The following SH3GL2 variants were observed in gnomAD, a reference collection of about 807,000 sequenced individuals.
SH3GL2 encodes the protein endophilin-A1.
In SH3GL2, 24 loss-of-function variants were observed where a neutral mutation model predicts 46.0. The ratio of observed to expected loss-of-function variants is 0.52; its 90% confidence interval spans 0.38 to 0.73. The LOEUF (loss-of-function observed/expected upper bound fraction) is 0.73. Ranked by LOEUF, SH3GL2 falls within the 30% of genes least tolerant of loss-of-function variation. The pLI, the probability that SH3GL2 is intolerant of heterozygous loss-of-function variation, is 0.00. For synonymous variants in SH3GL2, 196 were observed against 147.1 expected (o/e 1.33, Z -2.40); for missense variants, 413 against 424.2 (o/e 0.97, Z 0.23).
At chr9:17,703,893 G>A (rs1473381255) in intron 1 of SH3GL2, among the ~76,000 whole-genome samples, 1 of 152,062 alleles carries the variant, frequency 6.6e-6, no homozygotes, top group Non-Finnish European at 1.5e-5. Context: ...AAGAAGACAA[G>A]GATGCCCTCT....
chr9:17,744,640 T>C (rs570190770), intron 1 of SH3GL2, among the ~76,000 whole-genome samples: 2 of 152,178 alleles, frequency 1.3e-5, no homozygotes, highest in Non-Finnish European at 2.9e-5. Flanking sequence ...AATGCTAGGA[T>C]TACAGGTGTG....
chr9:17,719,642 AT>A (rs1302970508), intron 1 of SH3GL2, among the ~76,000 whole-genome samples: 1 of 151,952 alleles, frequency 6.6e-6, no homozygotes, highest in African/African-American at 2.4e-5. Flanking sequence ...AATAAAAAAA[AT>A]TTATCTTGGC....
chr9:17,784,424 CAT>C (rs1398869599), intron 3 of SH3GL2, among the ~76,000 whole-genome samples: 3 of 152,126 alleles, frequency 2.0e-5, no homozygotes, highest in East Asian at 1.9e-4. Context: ...GGGATTAACT[CAT>C]GTGTGGTTTC....
chr9:17,722,365 GTAGT>G (rs1026063441), intron 1 of SH3GL2, among the ~76,000 whole-genome samples: 11 of 152,098 alleles, frequency 7.2e-5, no homozygotes, highest in Non-Finnish European at 1.3e-4. Context: ...ATACTGACAT[GTAGT>G]TAATGTCTCA....
At chr9:17,760,193 A>G (rs939089075) in intron 2 of SH3GL2, among the ~76,000 whole-genome samples, 3 of 152,230 alleles carry the variant, frequency 2.0e-5, no homozygotes, top group African/African-American at 7.2e-5. Context: ...GTAGACAGGC[A>G]CATTTGAAAT....
In SH3GL2 at chr9:17,685,304, A is replaced by G. The variant is rs796193419; in HGVS notation, c.46-61762A>G. Among the ~76,000 whole-genome samples the G allele has an allele frequency of 1.2e-4, 18 of 152,074 alleles. 1 individual carries two copies. Among genetic ancestry groups the G allele is most frequent in the Admixed American group, 9.9e-4 (15 of 15,226 alleles). ...GTGCTGCATTCTTGAGGCAGTTTCT[A>G]CTTCTTCAGGGAAAATATTAATTCT... is the stretch of plus-strand genomic sequence containing the variant. On this transcript the variant is annotated intron_variant, in intron 1 of 8. Transcript: ENST00000380607.
chr9:17,714,170 T>TA (rs2118293962), intron 1 of SH3GL2, among the ~76,000 whole-genome samples: 1 of 151,862 alleles, frequency 6.6e-6, no homozygotes, highest in Non-Finnish European at 1.5e-5. Context: ...GTGTATTTTT[T>TA]ACTTGTGTTG....
chr9:17,642,045 A>T (rs1256005380), intron 1 of SH3GL2, among the ~76,000 whole-genome samples: 1 of 152,198 alleles, frequency 6.6e-6, no homozygotes, highest in Non-Finnish European at 1.5e-5. Context: ...GAACTAATTT[A>T]CACTCCCACC....
intron 3 of SH3GL2, among the ~76,000 whole-genome samples, chr9:17,778,801 A>C (rs1306447403): frequency 6.6e-6 from 1 of 152,132 alleles, no homozygotes; most frequent in African/African-American, 2.4e-5. Context: ...GACTAATTGC[A>C]TATTAGGCAA....
chr9:17,740,465 A>AGTATTGCATTGTATTGTATT, intron 1 of SH3GL2, among the ~76,000 whole-genome samples: 1 of 151,290 alleles, frequency 6.6e-6, no homozygotes, highest in Non-Finnish European at 1.5e-5. Flanking sequence ...TATGTCATCA[A>AGTATTGCATTGTATTGTATT]GTATTGTATT....
At chr9:17,645,664 G>GA (rs1390152999) in intron 1 of SH3GL2, among the ~76,000 whole-genome samples, 1 of 152,132 alleles carries the variant, frequency 6.6e-6, no homozygotes. Context: ...ATTCTGGGTT[G>GA]AAAATTCTTG....
intron 1 of SH3GL2, chr9:17,590,644 C>T (rs1026153927): frequency 6.6e-6 from 1 of 152,168 alleles, no homozygotes; most frequent in Non-Finnish European, 1.5e-5. Context: ...TAGTGCTCAT[C>T]GTCCCTATGT....
chr9:17,621,041 C>T (rs542793900), intron 1 of SH3GL2, among the ~76,000 whole-genome samples: 2 of 152,262 alleles, frequency 1.3e-5, no homozygotes, highest in African/African-American at 4.8e-5. Context: ...GACAGAGTTT[C>T]AGTTGATTGC....
intron 1 of SH3GL2, among the ~76,000 whole-genome samples, chr9:17,739,912 A>T (rs1410509774): frequency 6.6e-6 from 1 of 152,114 alleles, no homozygotes. Context: ...GCATCATACA[A>T]ATCAATTTCT....
intron 1 of SH3GL2, among the ~76,000 whole-genome samples, chr9:17,708,173 A>G (rs1001920686): frequency 6.6e-6 from 1 of 151,860 alleles, no homozygotes; most frequent in African/African-American, 2.4e-5. Flanking sequence ...CTTTCTTCCC[A>G]TCGTGGTCAT....
chr9:17,775,331 ATAG>A (rs1823611211), intron 3 of SH3GL2, among the ~76,000 whole-genome samples: 2 of 152,316 alleles, frequency 1.3e-5, no homozygotes, highest in South Asian at 4.1e-4. Flanking sequence ...TTTCAACGAA[ATAG>A]CCGTCAACTG....
intron 2 of SH3GL2, among the ~76,000 whole-genome samples, chr9:17,748,001 G>C (rs1822743752): frequency 6.6e-6 from 1 of 152,074 alleles, no homozygotes; most frequent in Admixed American, 6.6e-5. Flanking sequence ...AATGTAAAAT[G>C]AGAAGACTAA....
At chr9:17,659,387 C>G (rs1820161190) in intron 1 of SH3GL2, among the ~76,000 whole-genome samples, 1 of 152,084 alleles carries the variant, frequency 6.6e-6, no homozygotes, top group Non-Finnish European at 1.5e-5. Flanking sequence ...GAGAATGGCT[C>G]ATTCTATGAG....
chr9:17,749,729 G>A (rs1055922374), intron 2 of SH3GL2, among the ~76,000 whole-genome samples: 3 of 152,180 alleles, frequency 2.0e-5, no homozygotes, highest in Non-Finnish European at 2.9e-5. Context: ...GACCTTTGGA[G>A]ATTTATTTTG....
Sources: allele counts gnomAD v4.1 joint callset (sites outside exome capture counted in the v4.1 genomes callset), GRCh38; gene constraint gnomAD v4.1.1; transcripts MANE v1.5; gene names NCBI Gene and HGNC (gene_info 2026-07-23, HGNC 2026-07-21).